The following CPED1 variants were observed in gnomAD, a reference collection of about 807,000 sequenced individuals.
The protein encoded by CPED1 is cadherin-like and PC-esterase domain-containing protein 1.
A neutral mutation model predicts 128.2 loss-of-function variants in CPED1; 114 were observed. That is an observed-to-expected ratio of 0.89 (90% CI 0.76 to 1.04). CPED1 has a LOEUF of 1.04. Among genes scored for constraint, CPED1 ranks in the 50% least tolerant of loss-of-function variants. The pLI is 0.00. For synonymous variants in CPED1, 462 were observed against 426.7 expected (o/e 1.08, Z -1.02); for missense variants, 1,211 against 1,207.1 (o/e 1.00, Z -0.05).
intron 16 of CPED1, among the ~76,000 whole-genome samples, chr7:121,188,881 G>C (rs781223350): frequency 6.6e-6 from 1 of 152,102 alleles, no homozygotes; most frequent in Non-Finnish European, 1.5e-5. Flanking sequence ...AGAAGACTAG[G>C]ATCTAAGCTT....
At chr7:121,161,431 A>AGGATTTT (rs1362717187) in intron 16 of CPED1, among the ~76,000 whole-genome samples, 15 of 151,972 alleles carry the variant, frequency 9.9e-5, no homozygotes, top group Non-Finnish European at 1.5e-5. Context: ...GGACTCTCAC[A>AGGATTTT]CCTTGAATCT....
chr7:121,149,315 C>G (rs924635989), intron 16 of CPED1, among the ~76,000 whole-genome samples: 1 of 152,132 alleles, frequency 6.6e-6, no homozygotes, highest in African/African-American at 2.4e-5. Context: ...GTTTAACATT[C>G]AGTTTTCTTA....
At chr7:121,292,708 G>A (rs974140824) in intron 22 of CPED1, among the ~76,000 whole-genome samples, 3 of 152,140 alleles carry the variant, frequency 2.0e-5, no homozygotes, top group African/African-American at 7.2e-5. Context: ...TTTTAGGTGG[G>A]TGTCCTTTTT....
intron 2 of CPED1, among the ~76,000 whole-genome samples, chr7:120,998,806 G>A (rs1796453209): frequency 6.6e-6 from 1 of 150,590 alleles, no homozygotes; most frequent in Non-Finnish European, 1.5e-5. Flanking sequence ...CTTCAGTTTT[G>A]TGGAATCCTT....
Position 121,087,665 on chromosome 7 carries a change from C to CTTTTTTTTTTTTTT in CPED1, c.617-10033_617-10032insTTTTTTTTTTTTTT, listed in dbSNP as rs72453872. The stretch of plus-strand genomic sequence containing the variant: ...GGATTCTTTCTTTTTCTTTTCTTTC[C>CTTTTTTTTTTTTTT]TGTTTTTTTTTTTTTGGCAGAGTCT... On this transcript the variant is annotated intron_variant, in intron 5 of 22. Coordinates refer to ENST00000310396, the MANE Select transcript of CPED1 (RefSeq NM_024913.5). 2.4e-4 allele frequency among the ~76,000 whole-genome samples: 31 copies of CTTTTTTTTTTTTTT among 131,552 alleles called. 4 individuals carry two copies. Among genetic ancestry groups the CTTTTTTTTTTTTTT allele is most frequent in the African/African-American group, 9.1e-4 (29 of 31,760 alleles). The allele number at this position is 131,552 out of a possible 152,430, so 86.3% of individuals were successfully genotyped here.
intron 16 of CPED1, 73 bp from the exon 17 acceptor site, chr7:121,236,641 C>T: frequency 1.1e-6 from 1 of 873,350 alleles, no homozygotes; most frequent in East Asian, 2.6e-5. Flanking sequence ...CACATAAAGT[C>T]TTATTTTTTA....
chr7:121,257,961 C>G (rs1167131714), intron 18 of CPED1, among the ~76,000 whole-genome samples: 1 of 151,902 alleles, frequency 6.6e-6, no homozygotes, highest in Non-Finnish European at 1.5e-5. Flanking sequence ...ATTATTTGAG[C>G]AACATTATAC....
chr7:121,090,950 AAAAAAT>A (rs1794558734), intron 5 of CPED1, among the ~76,000 whole-genome samples: 2 of 151,968 alleles, frequency 1.3e-5, no homozygotes, highest in East Asian at 1.9e-4. Context: ...ACTCTATCTA[AAAAAAT>A]AAAAATAAAA....
intron 22 of CPED1, 35 bp downstream of exon 22, chr7:121,271,465 T>G (rs1792228090): frequency 1.3e-6 from 2 of 1,588,052 alleles, no homozygotes; most frequent in Non-Finnish European, 1.7e-6. Context: ...TTATAGCTTT[T>G]GATCTTTTAA....
chr7:121,170,495 TAGAC>T (rs770007890), intron 16 of CPED1, among the ~76,000 whole-genome samples: 9 of 152,096 alleles, frequency 5.9e-5, no homozygotes, highest in Non-Finnish European at 1.2e-4. Context: ...TTACTAGTAA[TAGAC>T]AGAAAATGCT....
At chr7:121,067,927 T>G (rs1240826244) in intron 5 of CPED1, among the ~76,000 whole-genome samples, 1 of 152,264 alleles carries the variant, frequency 6.6e-6, no homozygotes, top group East Asian at 1.9e-4. Flanking sequence ...GAGAAGTGTC[T>G]GTTCATATCC....
At chr7:121,258,265 T>C (rs1326910926) in intron 18 of CPED1, among the ~76,000 whole-genome samples, 1 of 152,124 alleles carries the variant, frequency 6.6e-6, no homozygotes, top group African/African-American at 2.4e-5. Flanking sequence ...CAATGTTTGT[T>C]GAACCAAATA....
chr7:121,133,867 C>T lies in CPED1; in HGVS notation c.1622C>T (p.Pro541Leu). ...AAGAACATTGAAAAACCACAAGTGC[C>T]ATTTGATGCAATAGAAAATAAAAAA... ...EDKNIEKPQV[P>L]FDAIENKKAA... The change falls in exon 13 of 23, where the codon CCA becomes CTA. Residue 541 changes from proline (P) to leucine (L), a missense_variant. Coordinates refer to ENST00000310396, the MANE Select transcript of CPED1 (RefSeq NM_024913.5). 2 of 1,592,842 alleles carry T rather than the reference C, an allele frequency of 1.3e-6. No individual in the cohort carries two copies. Among genetic ancestry groups the T allele is most frequent in the Non-Finnish European group, 1.7e-6 (2 of 1,164,900 alleles).
At chr7:121,064,158 C>T (rs968065285) in intron 4 of CPED1, 80 bp from the exon 5 acceptor site, 9 of 922,062 alleles carry the variant, frequency 9.8e-6, no homozygotes, top group South Asian at 5.2e-5. Context: ...TCTATACTCT[C>T]TGGGTTTTTT....
At chr7:121,189,642 C>T (rs1414115122) in intron 16 of CPED1, among the ~76,000 whole-genome samples, 2 of 151,248 alleles carry the variant, frequency 1.3e-5, no homozygotes, top group Non-Finnish European at 2.9e-5. Flanking sequence ...ACCATGATGC[C>T]TCTCAATTTA....
chr7:121,208,223 G>A lies in CPED1; in HGVS notation c.2056-28491G>A, dbSNP rs137973976. ...AGCTTAATTTTATTTTATATATTAC[G>A]TATCTGCATATGTAATGGATACCAT... On this transcript the variant is annotated intron_variant, in intron 16 of 22. Coordinates refer to ENST00000310396, the MANE Select transcript of CPED1 (RefSeq NM_024913.5). Among the ~76,000 whole-genome samples the A allele has an allele frequency of 5.9e-5, 9 of 151,918 alleles. No homozygotes were observed. The South Asian group carries it at 8.3e-4, about 14-fold the overall frequency.
intron 16 of CPED1, among the ~76,000 whole-genome samples, chr7:121,232,243 G>A (rs556977086): frequency 3.9e-5 from 6 of 152,238 alleles, no homozygotes; most frequent in Admixed American, 6.5e-5. Context: ...TCCCTGTGCC[G>A]GGATGGGTTT....
chr7:121,286,085 C>T (rs985068416), intron 22 of CPED1, among the ~76,000 whole-genome samples: 1 of 152,156 alleles, frequency 6.6e-6, no homozygotes, highest in African/African-American at 2.4e-5. Flanking sequence ...GAAGCAAACA[C>T]GTCTTTCTTC....
intron 16 of CPED1, among the ~76,000 whole-genome samples, chr7:121,191,843 G>A (rs1037904281): frequency 6.6e-6 from 1 of 151,990 alleles, no homozygotes; most frequent in African/African-American, 2.4e-5. Context: ...TTATTTCCCT[G>A]GCTTACCAAC....
Sources: allele counts gnomAD v4.1 joint callset (sites outside exome capture counted in the v4.1 genomes callset), GRCh38; gene constraint gnomAD v4.1.1; transcripts MANE v1.5; gene names NCBI Gene and HGNC (gene_info 2026-07-23, HGNC 2026-07-21).